RAP1GDS1: variants seen among roughly 807,000 people sequenced by gnomAD.
The protein encoded by RAP1GDS1 is RAP1, GTP-GDP dissociation stimulator 1.
RAP1GDS1 carries 35 observed loss-of-function variants against 71.1 expected under a neutral mutation model. That is an observed-to-expected ratio of 0.49 (90% CI 0.38 to 0.65). The LOEUF (loss-of-function observed/expected upper bound fraction) is 0.65. Ranked by LOEUF, RAP1GDS1 falls within the 30% of genes least tolerant of loss-of-function variation. The probability of loss-of-function intolerance (pLI) is 0.00; values close to 1 mark genes in which losing one functional copy is unlikely to be tolerated. For missense variants in RAP1GDS1, 663 were observed against 706.1 expected, an observed-to-expected ratio of 0.94 and a Z score of 0.69; for synonymous variants, 229 against 243.1, an observed-to-expected ratio of 0.94 and a Z score of 0.54.
At chr4:98,405,533 G>A (rs2110156687) in intron 7 of RAP1GDS1, among the ~76,000 whole-genome samples, 1 of 152,156 alleles carries the variant, frequency 6.6e-6, no homozygotes, top group African/African-American at 2.4e-5. Flanking sequence ...GAGAAGGTGG[G>A]GAGGGGAGTG....
At chr4:98,319,929 G>A (rs1731542808) in intron 2 of RAP1GDS1, among the ~76,000 whole-genome samples, 1 of 152,028 alleles carries the variant, frequency 6.6e-6, no homozygotes, top group African/African-American at 2.4e-5. Context: ...CTCTGAGGCG[G>A]CAAGACCAAA....
intron 14 of RAP1GDS1, among the ~76,000 whole-genome samples, chr4:98,437,791 C>CAA (rs374755985): frequency 2.1e-4 from 26 of 124,848 alleles, no homozygotes; most frequent in South Asian, 1.8e-3. Context: ...GACTCTGTCT[C>CAA]AAAAAAAAAA....
At position 98,437,013 on chromosome 4, in the gene RAP1GDS1, T is replaced by G. The variant is rs1273834498; in HGVS notation, c.1641T>G (p.Ser547Arg). 6.2e-7 allele frequency: 1 copy of G among 1,612,842 alleles called. No individual in the cohort carries two copies. Among genetic ancestry groups the G allele is most frequent in the East Asian group, 2.2e-5 (1 of 44,744 alleles). ...ILHRLLADER[S>R]APEIKYNSMV... Reference sequence around the variant, plus strand: ...ATAGACTGCTAGCAGATGAGAGAAGTGCTCCTGAAATCAAATATAATTCCA... The same window carrying G: ...ATAGACTGCTAGCAGATGAGAGAAGGGCTCCTGAAATCAAATATAATTCCA... Residue 547 changes from serine to arginine, a missense_variant, in exon 14 of 15, where the codon AGT (serine) becomes AGG (arginine). Coordinates refer to ENST00000408927, the MANE Select transcript of RAP1GDS1 (RefSeq NM_001100427.2).
chr4:98,312,678 T>C (rs1730400251), intron 2 of RAP1GDS1, among the ~76,000 whole-genome samples: 1 of 152,042 alleles, frequency 6.6e-6, no homozygotes, highest in Non-Finnish European at 1.5e-5. Context: ...CAATGGAATG[T>C]GTGTGTGCAT....
chr4:98,297,851 G>A (rs750137834), intron 2 of RAP1GDS1, among the ~76,000 whole-genome samples: 6 of 152,160 alleles, frequency 3.9e-5, no homozygotes, highest in African/African-American at 7.2e-5. Flanking sequence ...AAAGCATGTC[G>A]AAAGCGGAGG....
intron 2 of RAP1GDS1, among the ~76,000 whole-genome samples, chr4:98,335,257 T>G (rs1734547694): frequency 6.6e-6 from 1 of 152,198 alleles, no homozygotes; most frequent in Admixed American, 6.5e-5. Context: ...TAATTAATCA[T>G]TCTGTGTCCA....
chr4:98,404,369 A>G, intron 6 of RAP1GDS1, 108 bp from the exon 7 acceptor site: 1 of 1,019,350 alleles, frequency 9.8e-7, no homozygotes, highest in Non-Finnish European at 1.4e-6. Context: ...CCATATTTGA[A>G]GAGTATTTGT....
intron 4 of RAP1GDS1, among the ~76,000 whole-genome samples, chr4:98,374,925 A>G (rs1740943784): frequency 6.6e-6 from 1 of 152,198 alleles, no homozygotes; most frequent in African/African-American, 2.4e-5. Flanking sequence ...CTGTAGAGCA[A>G]AATCCCATTT....
intron 12 of RAP1GDS1, among the ~76,000 whole-genome samples, chr4:98,423,627 C>G (rs991954645): frequency 6.6e-6 from 1 of 152,084 alleles, no homozygotes; most frequent in Non-Finnish European, 1.5e-5. Context: ...TCACTGTAAC[C>G]TCCGCCTCCC....
At chr4:98,409,586 A>G (rs1399338962) in intron 7 of RAP1GDS1, 2 of 201,542 alleles carry the variant, frequency 9.9e-6, no homozygotes, top group Non-Finnish European at 2.0e-5. Flanking sequence ...AAGAGCCAAG[A>G]TACCTCCCCG....
chr4:98,340,781 A>G (rs74681882), intron 2 of RAP1GDS1, among the ~76,000 whole-genome samples: 1,899 of 152,076 alleles, frequency 0.012, 43 homozygotes, highest in African/African-American at 0.044. Flanking sequence ...ACATATATGT[A>G]TATATGTAAA....
chr4:98,428,766 A>G (rs1001660736), intron 12 of RAP1GDS1, among the ~76,000 whole-genome samples: 2 of 152,238 alleles, frequency 1.3e-5, no homozygotes, highest in Non-Finnish European at 2.9e-5. Flanking sequence ...TACAACCACT[A>G]TGGAAAACAG....
At chr4:98,321,429 AG>A (rs1731867230) in intron 2 of RAP1GDS1, among the ~76,000 whole-genome samples, 1 of 105,700 alleles carries the variant, frequency 9.5e-6, no homozygotes, top group Admixed American at 1.0e-4. Flanking sequence ...AACGCCACAA[AG>A]ATACTCCTCG....
chr4:98,312,049 T>A (rs1578395943), intron 2 of RAP1GDS1, among the ~76,000 whole-genome samples: 1 of 152,130 alleles, frequency 6.6e-6, no homozygotes, highest in Non-Finnish European at 1.5e-5. Flanking sequence ...TAGAGGATGG[T>A]AAATAATGGA....
At chr4:98,309,100 T>C (rs1578386735) in intron 2 of RAP1GDS1, among the ~76,000 whole-genome samples, 1 of 152,082 alleles carries the variant, frequency 6.6e-6, no homozygotes, top group Non-Finnish European at 1.5e-5. Flanking sequence ...GATTCACATA[T>C]TGAGTGCGTG....
In RAP1GDS1 at chr4:98,314,756, T is replaced by G. The variant is rs1276316006; in HGVS notation, c.112+21241T>G. 2.0e-5 allele frequency among the ~76,000 whole-genome samples: 3 copies of G among 152,336 alleles called. No homozygotes were observed. The East Asian group carries it at 5.8e-4, about 29-fold the overall frequency. On this transcript the variant is annotated intron_variant, in intron 2 of 14. Transcript: ENST00000408927. ...TAATATATTATATAATGGAGCTGAT[T>G]ACGAAGTGTTGTAGAAACAGAGATA...
intron 7 of RAP1GDS1, among the ~76,000 whole-genome samples, chr4:98,405,274 A>G (rs1475941341): frequency 1.3e-5 from 2 of 152,194 alleles, no homozygotes; most frequent in African/African-American, 2.4e-5. Flanking sequence ...TAGCAGATTT[A>G]AGAATGAAAT....
intron 1 of RAP1GDS1, among the ~76,000 whole-genome samples, chr4:98,291,260 A>G (rs1726868505): frequency 6.6e-6 from 1 of 152,186 alleles, no homozygotes; most frequent in African/African-American, 2.4e-5. Flanking sequence ...AAGATGTCAC[A>G]TATTTCACAA....
intron 1 of RAP1GDS1, among the ~76,000 whole-genome samples, chr4:98,273,980 A>G (rs1265779022): frequency 3.3e-5 from 5 of 152,298 alleles, no homozygotes; most frequent in South Asian, 2.1e-4. Flanking sequence ...CTTGCAAAAT[A>G]TATCTATTGC....
Sources: allele counts gnomAD v4.1 joint callset (sites outside exome capture counted in the v4.1 genomes callset), GRCh38; gene constraint gnomAD v4.1.1; transcripts MANE v1.5; gene names NCBI Gene and HGNC (gene_info 2026-07-23, HGNC 2026-07-21).